Variants in ANO7 observed in about 807,000 individuals in gnomAD.
ANO7 encodes anoctamin 7.
Under a neutral mutation model 115.8 loss-of-function variants are expected in ANO7, and 114 were observed. The ratio of observed to expected loss-of-function variants is 0.98; its 90% CI spans 0.85 to 1.15. The LOEUF (loss-of-function observed/expected upper bound fraction) is 1.15, where lower values mean the gene tolerates loss of function less well. Ranked by LOEUF, ANO7 falls within the 50% of genes most tolerant of loss-of-function variation. The pLI is 0.00. For synonymous variants in ANO7, 550 were observed against 498.2 expected, an observed-to-expected ratio of 1.10 and a Z score of -1.38; for missense variants, 1,302 against 1,201.2, an observed-to-expected ratio of 1.08 and a Z score of -1.24.
chr2:241,240,155 C>T, the ANO7 span: 14 of 1,601,926 alleles, frequency 8.7e-6, no homozygotes, highest in Non-Finnish European at 1.1e-5. This position sits in a 1 kb window ranked among gnomAD's most constrained non-coding sequence, Gnocchi z 5.5. Context: ...GTTAGCCTGA[C>T]ACCACGTGCC....
rs1396214212 is a variant in ANO7, at chr2:241,223,725, G to A, written c.2476G>A (p.Glu826Lys). 1.2e-6 allele frequency: 2 copies of A among 1,614,144 alleles called. No homozygotes were observed. The highest frequency in any genetic ancestry group is 1.7e-5 in the Admixed American group (1 of 60,022). The change falls in exon 23 of 25, where the codon GAG (glutamate) becomes AAG (lysine). Residue 826 changes from glutamate to lysine, a missense_variant. Coordinates refer to ENST00000674324, the MANE Select transcript of ANO7 (RefSeq NM_001370694.2). ...LLVPDIPESV[E>K]IKVKREYYLA... ...GGTGCCTGACATCCCAGAGTCTGTGGAGATCAAAGTGAAGCGGGAGTACTA... is the reference window on the plus strand; with the variant it reads ...GGTGCCTGACATCCCAGAGTCTGTGAAGATCAAAGTGAAGCGGGAGTACTA...
At chr2:241,210,187 G>A in intron 13 of ANO7, 108 bp from the exon 14 acceptor site, 2 of 1,086,274 alleles carry the variant, frequency 1.8e-6, no homozygotes, top group Non-Finnish European at 2.8e-6. Context: ...AGAGGTGGCA[G>A]TGCTGGGGCC....
intron 1 of ANO7, among the ~76,000 whole-genome samples, chr2:241,189,549 C>T (rs1239496062): frequency 3.3e-5 from 5 of 152,092 alleles, no homozygotes; most frequent in Non-Finnish European, 4.4e-5. Flanking sequence ...GTTGTGAGGC[C>T]GGGCTCCATC....
chr2:241,225,791 TG>T lies in ANO7; in HGVS notation c.*1640del, dbSNP rs1289324461. Among the ~76,000 whole-genome samples, 3 of 152,152 alleles carry T rather than the reference TG, an allele frequency of 2.0e-5. No homozygotes were observed. The highest frequency in any genetic ancestry group is 4.4e-5 in the Non-Finnish European group (3 of 68,024). ...ATGCAGGCTCACAGCGCCCTGGGGCTGGACACCACCGGCCGGAGCATGGCGG... is the reference window on the plus strand; with the variant it reads ...ATGCAGGCTCACAGCGCCCTGGGGCTGACACCACCGGCCGGAGCATGGCGG... On this transcript the variant is annotated 3_prime_UTR_variant, in exon 25 of 25. Coordinates refer to ENST00000674324, the MANE Select transcript of ANO7 (RefSeq NM_001370694.2).
At chr2:241,209,771 C>T in intron 13 of ANO7, 136 bp downstream of exon 13, 1 of 1,258,106 alleles carries the variant, frequency 7.9e-7, no homozygotes, top group Non-Finnish European at 1.1e-6. Flanking sequence ...CGCAGAGAGG[C>T]CCCCATGTGC....
the ANO7 span, among the ~76,000 whole-genome samples, chr2:241,237,014 G>A: frequency 0.28 from 40,954 of 146,868 alleles, 7,155 homozygotes; most frequent in East Asian, 0.61. Context: ...AGGCTTTGCC[G>A]GGAGGCCGTG....
In ANO7 at chr2:241,212,580, G is replaced by T. The variant is rs756405277; in HGVS notation, c.1682G>T (p.Gly561Val). The change falls in exon 17 of 25, where the codon GGA (glycine) becomes GTA (valine). Residue 561 changes from glycine to valine, a missense_variant. Transcript: ENST00000674324. ...YIAFFKGRFVGYPGNYHTLFG... is the reference protein window; with the variant it reads ...YIAFFKGRFVVYPGNYHTLFG... ...TCTTGACTTTCTCCTAGGTTTGTGG[G>T]ATACCCAGGCAACTACCACACCTTG... The T allele has an allele frequency of 6.2e-6, 10 of 1,613,204 alleles. No homozygotes were observed. In the East Asian group the frequency reaches 2.0e-4, roughly 32 times the overall value.
At chr2:241,208,186 T>C (rs1416325369) in intron 11 of ANO7, among the ~76,000 whole-genome samples, 1 of 152,202 alleles carries the variant, frequency 6.6e-6, no homozygotes, top group East Asian at 1.9e-4. Context: ...GCACTACTGG[T>C]GGGCCAGACG....
In ANO7 at chr2:241,203,189, A is replaced by C; in HGVS notation, c.724-144A>C. Reference sequence around the variant, plus strand: ...CGGACCACCCTGTACCCACCCCTCCACATTACTCTATTTTTTCTTCATGGA... The same window carrying C: ...CGGACCACCCTGTACCCACCCCTCCCCATTACTCTATTTTTTCTTCATGGA... On this transcript the variant is annotated intron_variant, in intron 8 of 24. Transcript: ENST00000674324. This position sits in a 1 kb window ranked among gnomAD's most constrained non-coding sequence, Gnocchi z 4.8. 1.2e-4 allele frequency: 61 copies of C among 513,246 alleles called. No individual in the cohort carries two copies. The highest frequency in any genetic ancestry group is 2.9e-4 in the East Asian group (7 of 23,998). 31.8% of individuals were successfully genotyped at this position (513,246 alleles called of 1,614,324 possible).
chr2:241,223,200 G>C lies in ANO7; in HGVS notation c.2336G>C (p.Arg779Pro). The C allele has an allele frequency of 6.2e-7, 1 of 1,614,164 alleles. No homozygotes were observed. Among genetic ancestry groups the C allele is most frequent in the South Asian group, 1.1e-5 (1 of 91,076 alleles). ...HNRTCRYRAFRDDDGHYSQTY... is the reference protein window; with the variant it reads ...HNRTCRYRAFPDDDGHYSQTY... ...GTCTGCTGCAGGTATCGGGCTTTCC[G>C]GGATGACGATGGACATTATTCCCAG... The change falls in exon 22 of 25, where the codon CGG (arginine) becomes CCG (proline). Residue 779 changes from arginine (R) to proline (P), a missense_variant. Arg to Pro is a moderately radical substitution (Grantham distance 103, BLOSUM62 -2). Transcript: ENST00000674324.
the ANO7 span, chr2:241,235,716 A>C: frequency 1.5e-6 from 1 of 650,496 alleles, no homozygotes; most frequent in Non-Finnish European, 2.8e-6. Flanking sequence ...AATGTGCCCC[A>C]CCCGACAATG....
At chr2:241,233,784 C>A in the ANO7 span, 3 of 1,612,962 alleles carry the variant, frequency 1.9e-6, no homozygotes, top group Non-Finnish European at 2.5e-6. This position sits in a 1 kb window ranked among gnomAD's most constrained non-coding sequence, Gnocchi z 4.3. Context: ...TCAACAAGCA[C>A]CTCTGCCCCC....
the ANO7 span, chr2:241,239,946 G>A: frequency 2.0e-5 from 33 of 1,614,052 alleles, no homozygotes; most frequent in South Asian, 9.9e-5. This position sits in a 1 kb window ranked among gnomAD's most constrained non-coding sequence, Gnocchi z 4.6. Context: ...CCTCTCGGAC[G>A]GCGTCCTCCT....
chr2:241,200,170 C>A lies in ANO7; in HGVS notation c.499C>A (p.Pro167Thr), dbSNP rs762080443. ...CCCCAACGTCCTGCTGGAGGTTGTGCCAGACGTACCCCCCGAGTACTACTC... is the reference window on the plus strand; with the variant it reads ...CCCCAACGTCCTGCTGGAGGTTGTGACAGACGTACCCCCCGAGTACTACTC... ...GIPNVLLEVV[P>T]DVPPEYYSCR... Residue 167 changes from proline to threonine, a missense_variant, in exon 6 of 25, where the codon CCA (proline) becomes ACA (threonine). Coordinates refer to ENST00000674324, the MANE Select transcript of ANO7 (RefSeq NM_001370694.2). The A allele has an allele frequency of 6.2e-7, 1 of 1,613,138 alleles. No homozygotes were observed. The highest frequency in any genetic ancestry group is 8.5e-7 in the Non-Finnish European group (1 of 1,179,980).
In ANO7 at chr2:241,223,946, G is replaced by C. The variant is rs1260819800; in HGVS notation, c.2574G>C (p.Glu858Asp). The change falls in exon 24 of 25, where the codon GAG (glutamate) becomes GAC (aspartate). Residue 858 changes from glutamate (E) to aspartate (D), a missense_variant. Glu to Asp is a conservative substitution (Grantham distance 45). Coordinates refer to ENST00000674324, the MANE Select transcript of ANO7 (RefSeq NM_001370694.2). ...ACGGAACAAAGGATGAGCAGCCCGA[G>C]GGCTCAGAGGCAAGTCTGGGAGCAG... ...GTNGTKDEQP[E>D]GSELSSHWTP... 2 of 1,609,458 alleles carry C rather than the reference G, an allele frequency of 1.2e-6. No individual in the cohort carries two copies. The highest frequency in any genetic ancestry group is 1.7e-6 in the Non-Finnish European group (2 of 1,179,974).
At chr2:241,191,760 T>G (rs987949136) in intron 3 of ANO7, among the ~76,000 whole-genome samples, 9 of 99,988 alleles carry the variant, frequency 9.0e-5, no homozygotes, top group East Asian at 3.3e-4. Flanking sequence ...CTCCTCCCAC[T>G]AGGATGGCTA....
At position 241,225,828 on chromosome 2, in the gene ANO7, C is replaced by T. The variant is rs553618136; in HGVS notation, c.*1675C>T. Among the ~76,000 whole-genome samples, 33 of 152,310 alleles carry T rather than the reference C, an allele frequency of 2.2e-4. No homozygotes were observed. The highest frequency in any genetic ancestry group is 7.5e-4 in the African/African-American group (31 of 41,570). ...GCCGGAGCATGGCGGACAGCACACA[C>T]GGCCCGGGGCGGGAACCTTGGAAAC... On this transcript the variant is annotated 3_prime_UTR_variant, in exon 25 of 25. Coordinates refer to ENST00000674324, the MANE Select transcript of ANO7 (RefSeq NM_001370694.2).
chr2:241,223,096 G>A, intron 21 of ANO7, 90 bp from the exon 22 acceptor site: 2 of 1,179,380 alleles, frequency 1.7e-6, no homozygotes, highest in South Asian at 1.4e-5. Flanking sequence ...GCGAAATGGT[G>A]GAAAAAGGGG....
Position 241,218,274 on chromosome 2 carries a change from G to A in ANO7, c.2214G>A (p.Pro738=). The A allele has an allele frequency of 1.3e-6, 2 of 1,533,478 alleles. No individual in the cohort carries two copies. Among genetic ancestry groups the A allele is most frequent in the Non-Finnish European group, 8.7e-7 (1 of 1,147,638 alleles). 95.0% of individuals were successfully genotyped at this position (1,533,478 alleles called of 1,614,324 possible). ...TGGCCTTCTCGTCCGACTTCCTGCC[G>A]CGCGCCTACTACCGGTGGACCCGCG... ...FLLAFSSDFL[P]RAYYRWTRAH... The change falls in exon 21 of 25, where the codon CCG becomes CCA. Residue 738 remains proline (P), a synonymous_variant. Transcript: ENST00000674324.
Sources: gnomAD v4.1 joint callset for allele counts (sites outside exome capture counted in the v4.1 genomes callset) on GRCh38, gnomAD v4.1.1 for gene constraint, Gnocchi (gnomAD v3.1) non-coding constraint, MANE v1.5 for transcripts, NCBI Gene and HGNC (gene_info 2026-07-23, HGNC 2026-07-21) for gene names.